RTN4: variants seen among roughly 807,000 people sequenced by gnomAD.
RTN4 encodes reticulon-4.
RTN4 carries 32 observed loss-of-function variants against 90.4 expected under a neutral mutation model. That is an observed-to-expected ratio of 0.35 (90% CI 0.27 to 0.48). The LOEUF is 0.48. Ranked by LOEUF, RTN4 falls within the 20% of genes least tolerant of loss-of-function variation. The probability of loss-of-function intolerance (pLI) is 0.99; values close to 1 mark genes in which losing one functional copy is unlikely to be tolerated. For synonymous variants in RTN4, 629 were observed against 552.5 expected, an observed-to-expected ratio of 1.14 and a Z score of -1.94; for missense variants, 1,706 against 1,430.2, an observed-to-expected ratio of 1.19 and a Z score of -3.11.
At chr2:55,023,636 T>TA (rs367992042) in intron 3 of RTN4, among the ~76,000 whole-genome samples, 6 of 150,736 alleles carry the variant, frequency 4.0e-5, no homozygotes, top group African/African-American at 9.7e-5. Flanking sequence ...CTTCCCACCT[T>TA]AAAAAAAAAG....
At chr2:55,045,790 T>C (rs1422408815) in intron 1 of RTN4, among the ~76,000 whole-genome samples, 1 of 152,260 alleles carries the variant, frequency 6.6e-6, no homozygotes, top group Non-Finnish European at 1.5e-5. Flanking sequence ...AATCCAGATC[T>C]ACATATTTTC....
At chr2:55,027,585 T>C (rs13002841) in intron 2 of RTN4, 100 bp from the exon 3 acceptor site, 119,790 of 1,217,932 alleles carry the variant, frequency 0.098, 6,870 homozygotes, top group South Asian at 0.17. Flanking sequence ...AAAGACTTAC[T>C]GTTTACTAAA....
At chr2:55,075,883 C>T (rs934574889) in intron 2 of RTN4, among the ~76,000 whole-genome samples, 3 of 152,024 alleles carry the variant, frequency 2.0e-5, no homozygotes, top group African/African-American at 7.3e-5. Context: ...ATTGGCAAGC[C>T]GCATGTAAAA....
chr2:54,982,326 A>G (rs1017919427), intron 5 of RTN4, among the ~76,000 whole-genome samples, 189 bp downstream of exon 5: 13 of 151,206 alleles, frequency 8.6e-5, no homozygotes, highest in African/African-American at 2.7e-4. Flanking sequence ...GTATGACCAG[A>G]AAAAAAAAGG....
intron 1 of RTN4, among the ~76,000 whole-genome samples, chr2:55,032,770 G>A (rs1682411825): frequency 1.3e-5 from 2 of 152,118 alleles, no homozygotes; most frequent in African/African-American, 4.8e-5. Context: ...GCTCATGCCT[G>A]TAACCCCAAC....
chr2:55,027,521 C>T, intron 2 of RTN4, 36 bp from the exon 3 acceptor site: 1 of 1,554,932 alleles, frequency 6.4e-7, no homozygotes, highest in South Asian at 1.2e-5. Context: ...TTAGAGAATG[C>T]CAGTGTTCTC....
At chr2:55,037,139 A>G (rs111919707) in intron 1 of RTN4, among the ~76,000 whole-genome samples, 1,707 of 152,344 alleles carry the variant, frequency 0.011, 29 homozygotes, top group African/African-American at 0.039. Flanking sequence ...CACTCACTGT[A>G]ACAAAAAAAC....
rs77071321 is a variant in RTN4, at chr2:55,063,532, T to C, written c.-63+16957A>G. On this transcript the variant is annotated intron_variant, in intron 2 of 3. Transcript: ENST00000427710. ...AGGCCATAGTAATGAGTTGACTTTT[T>C]TTTTCAAGCATAATGGTAAGGGTTG... 1.8e-3 allele frequency among the ~76,000 whole-genome samples: 277 copies of C among 152,228 alleles called. 1 individual carries two copies. The highest frequency in any genetic ancestry group is 6.6e-3 in the African/African-American group (274 of 41,522).
chr2:55,070,072 C>A (rs115446779), intron 2 of RTN4, among the ~76,000 whole-genome samples: 2,350 of 152,240 alleles, frequency 0.015, 62 homozygotes, highest in African/African-American at 0.053. Flanking sequence ...TGCCAAGCAC[C>A]ATTAACCAAG....
Position 55,023,818 on chromosome 2 carries a change from G to A in RTN4, c.3013+1268C>T, listed in dbSNP as rs576666502. 1.5e-4 allele frequency among the ~76,000 whole-genome samples: 23 copies of A among 152,174 alleles called. 1 individual carries two copies. Among genetic ancestry groups the A allele is most frequent in the African/African-American group, 2.9e-4 (12 of 41,520 alleles). ...ACACCACACCATTTGCCGCTGTCAT[G>A]ACAATATCTTCCCTCCTTTTTGACC... is the stretch of plus-strand genomic sequence containing the variant. On this transcript the variant is annotated intron_variant, in intron 3 of 8. Transcript: ENST00000337526.
intron 5 of RTN4, among the ~76,000 whole-genome samples, chr2:54,975,028 G>C (rs1331527681): frequency 6.6e-6 from 1 of 152,138 alleles, no homozygotes; most frequent in Non-Finnish European, 1.5e-5. Flanking sequence ...AATATACCAA[G>C]GGTGCATCTT....
At chr2:55,003,862 T>G (rs999205233) in intron 3 of RTN4, among the ~76,000 whole-genome samples, 1 of 152,164 alleles carries the variant, frequency 6.6e-6, no homozygotes, top group Admixed American at 6.6e-5. Context: ...ACTGCACCAT[T>G]TTATATAAGA....
intron 1 of RTN4, among the ~76,000 whole-genome samples, chr2:55,035,633 A>C (rs1224220283): frequency 6.6e-6 from 1 of 152,164 alleles, no homozygotes; most frequent in African/African-American, 2.4e-5. Flanking sequence ...ATTAAAAAAA[A>C]AAATCAATGA....
chr2:55,033,975 T>G (rs1039113717), intron 1 of RTN4, among the ~76,000 whole-genome samples: 6 of 152,230 alleles, frequency 3.9e-5, no homozygotes, highest in African/African-American at 1.4e-4. Context: ...AACTTATTCC[T>G]TCTATCCAAC....
At chr2:55,091,231 T>C (rs1408963524) in intron 1 of RTN4, among the ~76,000 whole-genome samples, 2 of 152,148 alleles carry the variant, frequency 1.3e-5, no homozygotes, top group Non-Finnish European at 2.9e-5. Context: ...TCCAAATTCC[T>C]CTCTGTGGCC....
chr2:54,978,240 G>C (rs1429008646), intron 5 of RTN4, among the ~76,000 whole-genome samples: 1 of 152,060 alleles, frequency 6.6e-6, no homozygotes, highest in Non-Finnish European at 1.5e-5. Flanking sequence ...GACCAGTCTG[G>C]CCAACTTGGC....
intron 1 of RTN4, among the ~76,000 whole-genome samples, chr2:55,089,051 G>T (rs946471419): frequency 6.6e-6 from 1 of 152,074 alleles, no homozygotes; most frequent in East Asian, 1.9e-4. Flanking sequence ...TCCTGCCTCA[G>T]CCTCCCGAGT....
intron 1 of RTN4, among the ~76,000 whole-genome samples, chr2:55,105,483 G>T (rs1573520441): frequency 6.6e-6 from 1 of 151,984 alleles, no homozygotes; most frequent in African/African-American, 2.4e-5. Flanking sequence ...GCCCACTTCA[G>T]CTTCCCAAAG....
intron 1 of RTN4, among the ~76,000 whole-genome samples, chr2:55,101,640 A>G (rs1370265687): frequency 6.6e-6 from 1 of 152,154 alleles, no homozygotes; most frequent in East Asian, 1.9e-4. Flanking sequence ...GTGCCAGGCA[A>G]TGTGCTAGGT....
Sources: allele counts gnomAD v4.1 joint callset (sites outside exome capture counted in the v4.1 genomes callset), GRCh38; gene constraint gnomAD v4.1.1; transcripts MANE v1.5; gene names NCBI Gene and HGNC (gene_info 2026-07-23, HGNC 2026-07-21).